The following CATSPERG variants were observed in gnomAD, a reference collection of about 807,000 sequenced individuals.
CATSPERG encodes the protein catsper channel auxiliary subunit gamma.
In CATSPERG, 115 loss-of-function variants were observed where a neutral mutation model predicts 145.0. The observed-to-expected ratio is 0.79, with a 90% CI of 0.68 to 0.93. The LOEUF (loss-of-function observed/expected upper bound fraction) is 0.93, where lower values mean the gene tolerates loss of function less well. Ranked by LOEUF, CATSPERG falls within the 40% of genes least tolerant of loss-of-function variation. The probability of loss-of-function intolerance (pLI) is 0.00; values close to 1 mark genes in which losing one functional copy is unlikely to be tolerated. For missense variants in CATSPERG, 1,296 were observed against 1,490.1 expected (o/e 0.87, Z 2.14); for synonymous variants, 588 against 589.0 (o/e 1.00, Z 0.02).
intron 7 of CATSPERG, among the ~76,000 whole-genome samples, chr19:38,347,416 C>T (rs1258494365): frequency 6.6e-6 from 1 of 152,040 alleles, no homozygotes; most frequent in South Asian, 2.1e-4. Flanking sequence ...GCTTCCATAA[C>T]CAATGGTATA....
At chr19:38,336,079 G>T (rs1188356890) in intron 1 of CATSPERG, 2 of 410,604 alleles carry the variant, frequency 4.9e-6, no homozygotes, top group Non-Finnish European at 1.0e-5. Flanking sequence ...GGAGCCGAAC[G>T]TGAAGGGCGA....
At position 38,370,508 on chromosome 19, in the gene CATSPERG, ATTC is replaced by A. The variant is rs774132174; in HGVS notation, c.3214-15_3214-13del. 1.3e-5 allele frequency: 21 copies of A among 1,613,716 alleles called. No individual in the cohort carries two copies. The highest frequency in any genetic ancestry group is 2.7e-5 in the African/African-American group (2 of 74,826). ...CTTATCATGTGCCAACTCCTTACTC[ATTC>A]TTTGCTCCCTGCAGGTGTCAGCTAG... On this transcript the variant is annotated splice_polypyrimidine_tract_variant and intron_variant, in intron 28 of 28. Transcript: ENST00000409235.
rs772793259 is a variant in CATSPERG, at chr19:38,359,587, C to A, written c.1608+6C>A. ...TTGTCACAGAGACGGAGGAGGTGGG[C>A]TGCCCCGCCCCTCTCCCCGTTCCCT... is the stretch of plus-strand genomic sequence containing the variant. On this transcript the variant is annotated splice_donor_region_variant and intron_variant, in intron 14 of 28. Transcript: ENST00000409235. The A allele has an allele frequency of 6.2e-7, 1 of 1,608,648 alleles. No homozygotes were observed. Among genetic ancestry groups the A allele is most frequent in the South Asian group, 1.1e-5 (1 of 90,670 alleles).
At position 38,362,763 on chromosome 19, in the gene CATSPERG, C is replaced by A. The variant is rs141890583; in HGVS notation, c.2406C>A (p.Ala802=). 3.1e-6 allele frequency: 5 copies of A among 1,613,970 alleles called. No homozygotes were observed. The highest frequency in any genetic ancestry group is 4.2e-6 in the Non-Finnish European group (5 of 1,180,016). ...HSQVDVGVVL[A]DPGCIEASVK... ...AGGTGGACGTGGGCGTGGTGCTGGC[C>A]GACCCCGGCTGCATCGAGGCCTCGG... The change falls in exon 20 of 29, where the codon GCC becomes GCA. Residue 802 remains alanine, a synonymous_variant. Transcript: ENST00000409235.
rs771676576 is a variant in CATSPERG, at chr19:38,370,048, G to A, written c.3097G>A (p.Val1033Met). The A allele has an allele frequency of 6.8e-6, 11 of 1,614,198 alleles. No homozygotes were observed. The South Asian group carries it at 1.2e-4, about 18-fold the overall frequency. Reference sequence around the variant, plus strand: ...CTTTGCCCCTGAATTCTTCTTCAAGGTGTTGGTGAGCAATAGGTGAGCCAG... The same window carrying A: ...CTTTGCCCCTGAATTCTTCTTCAAGATGTTGGTGAGCAATAGGTGAGCCAG... ...GIFAPEFFFK[V>M]LVSNRGVDTS... The change falls in exon 27 of 29, where the codon GTG (valine) becomes ATG (methionine). Residue 1033 changes from valine (V) to methionine (M), a missense_variant. Transcript: ENST00000409235.
At chr19:38,365,032 T>G in intron 21 of CATSPERG, 29 bp from the exon 22 acceptor site, 2 of 1,613,848 alleles carry the variant, frequency 1.2e-6, no homozygotes, top group Non-Finnish European at 1.7e-6. Flanking sequence ...CCGGCGGGGA[T>G]CACCATCTTC....
chr19:38,369,997 T>A lies in CATSPERG; in HGVS notation c.3046T>A (p.Cys1016Ser). Residue 1016 changes from cysteine to serine, a missense_variant, in exon 27 of 29, where the codon TGC (cysteine) becomes AGC (serine). By Grantham distance (112) the Cys-to-Ser change is moderately radical. Transcript: ENST00000409235. Reference sequence around the variant, plus strand: ...GTGGCTCTGTCTGGAGAATGCCCCATGCTATGACAATGTTCCCCAAGGCAT... The same window carrying A: ...GTGGCTCTGTCTGGAGAATGCCCCAAGCTATGACAATGTTCCCCAAGGCAT... ...IEWLCLENAP[C>S]YDNVPQGIFA... 6.2e-7 allele frequency: 1 copy of A among 1,614,254 alleles called. No individual in the cohort carries two copies. The highest frequency in any genetic ancestry group is 8.5e-7 in the Non-Finnish European group (1 of 1,180,040).
Position 38,360,032 on chromosome 19 carries a change from C to A in CATSPERG, c.1608+451C>A, listed in dbSNP as rs1970316590. ...ATCTTGGAGGCTGGAGGGGATCCCC[C>A]AGGTTGTGGCTCAGGAAGGGGAGTG... On this transcript the variant is annotated intron_variant, in intron 14 of 28. Transcript: ENST00000409235. 3.0e-6 allele frequency: 3 copies of A among 985,030 alleles called. No homozygotes were observed. The South Asian group carries it at 1.4e-4, about 46-fold the overall frequency. The allele number at this position is 985,030 out of a possible 1,614,324, so 61.0% of individuals were successfully genotyped here.
intron 20 of CATSPERG, among the ~76,000 whole-genome samples, chr19:38,363,489 CTTTTTTTTTTT>C (rs1173452820): frequency 2.3e-5 from 3 of 128,248 alleles, no homozygotes; most frequent in East Asian, 2.1e-4. Context: ...TAGCCTATTC[CTTTTTTTTTTT>C]TTTTTTTTTA....
At chr19:38,360,279 G>A (rs1970321504) in intron 14 of CATSPERG, 3 of 985,258 alleles carry the variant, frequency 3.0e-6, no homozygotes, top group African/African-American at 1.7e-5. Context: ...ATCATAGTGT[G>A]TGAGGGCTGG....
At chr19:38,358,069 G>A (rs989246340) in intron 11 of CATSPERG, 2 of 577,900 alleles carry the variant, frequency 3.5e-6, no homozygotes, top group Non-Finnish European at 6.2e-6. Context: ...AGTGAGCTGA[G>A]ATCACACCAC....
Position 38,370,141 on chromosome 19 carries a change from C to T in CATSPERG, c.3114-18C>T, listed in dbSNP as rs752481061. 1.9e-5 allele frequency: 30 copies of T among 1,613,606 alleles called. No homozygotes were observed. The highest frequency in any genetic ancestry group is 1.6e-4 in the Middle Eastern group (1 of 6,084). ...CTGGCTTCTCCTCTAATCCTGGATC[C>T]CCTCCCAACCCCTGCAGAGGAGTGG... On this transcript the variant is annotated intron_variant, in intron 27 of 28. Coordinates refer to ENST00000409235, the MANE Select transcript of CATSPERG (RefSeq NM_021185.5).
intron 20 of CATSPERG, among the ~76,000 whole-genome samples, chr19:38,363,654 G>A (rs940888312): frequency 6.6e-5 from 10 of 151,920 alleles, no homozygotes; most frequent in African/African-American, 1.7e-4. Context: ...AGATTAGGGA[G>A]TGGTGATGAC....
intron 8 of CATSPERG, among the ~76,000 whole-genome samples, chr19:38,353,060 A>T (rs935940280): frequency 6.9e-6 from 1 of 145,038 alleles, no homozygotes; most frequent in Non-Finnish European, 1.5e-5. Context: ...AAAGCTGGGC[A>T]TGGTGGCTCA....
intron 7 of CATSPERG, chr19:38,349,668 G>C (rs1255876708): frequency 6.5e-6 from 1 of 153,300 alleles, no homozygotes; most frequent in Admixed American, 6.5e-5. Context: ...TTGTTTGTTT[G>C]TTTGTTTGTT....
intron 11 of CATSPERG, 41 bp downstream of exon 11, chr19:38,356,902 G>A (rs549086866): frequency 6.2e-7 from 1 of 1,609,262 alleles, no homozygotes; most frequent in Non-Finnish European, 8.5e-7. Context: ...AAAGGGGCAG[G>A]ATCCCAGACT....
intron 3 of CATSPERG, among the ~76,000 whole-genome samples, chr19:38,342,275 G>C (rs531749436): frequency 6.6e-6 from 1 of 151,300 alleles, no homozygotes; most frequent in South Asian, 2.1e-4. Context: ...CTGGGCAACA[G>C]AGTAGACTCT....
At position 38,361,653 on chromosome 19, in the gene CATSPERG, A is replaced by T. The variant is rs1970346764; in HGVS notation, c.1886A>T (p.Tyr629Phe). The change falls in exon 17 of 29, where the codon TAC becomes TTC. Residue 629 changes from tyrosine (Y) to phenylalanine (F), a missense_variant. Transcript: ENST00000409235. ...TCCCCCTTGCCACTGCCCAGGGGCT[A>T]CTTGATGCTCTCCTTCATCGACTTC... Reference protein sequence around the residue: ...SHYDLERKGGYLMLSFIDFCP... With the variant: ...SHYDLERKGGFLMLSFIDFCP... The T allele has an allele frequency of 6.2e-7, 1 of 1,608,474 alleles. No homozygotes were observed. The highest frequency in any genetic ancestry group is 8.5e-7 in the Non-Finnish European group (1 of 1,179,542).
rs1184468712 is a variant in CATSPERG at position 38,356,520 on chromosome 19, G to A, written c.1172G>A (p.Trp391Ter). The A allele has an allele frequency of 6.2e-7, 1 of 1,613,996 alleles. No individual in the cohort carries two copies. Among genetic ancestry groups the A allele is most frequent in the Non-Finnish European group, 8.5e-7 (1 of 1,179,972 alleles). The stretch of plus-strand genomic sequence containing the variant: ...TCCTTTGAGATGCTGCCCAGGCAGT[G>A]GTCTGTGTGCGAGCAGATAGGAGGT... ...QVSFEMLPRQ[W>*]SVCEQIGVTT... Residue 391 changes from tryptophan to a stop codon, truncating the protein, a stop_gained, in exon 10 of 29, where the codon TGG becomes TAG. Coordinates refer to ENST00000409235, the MANE Select transcript of CATSPERG (RefSeq NM_021185.5). LOFTEE classifies it high-confidence loss of function.
Sources: allele counts gnomAD v4.1 joint callset (sites outside exome capture counted in the v4.1 genomes callset), GRCh38; gene constraint gnomAD v4.1.1; transcripts MANE v1.5; gene names NCBI Gene and HGNC (gene_info 2026-07-23, HGNC 2026-07-21).